CRTAP: variants seen among roughly 807,000 people sequenced by gnomAD.
CRTAP encodes cartilage associated protein.
A neutral mutation model predicts 42.7 loss-of-function variants in CRTAP; 33 were observed. The observed-to-expected ratio is 0.77, with a 90% CI of 0.59 to 1.03. The LOEUF is 1.03. Ranked by LOEUF, CRTAP falls within the 50% of genes least tolerant of loss-of-function variation. The pLI, the probability that CRTAP is intolerant of heterozygous loss-of-function variation, is 0.00. For missense variants in CRTAP, 613 were observed against 533.9 expected (o/e 1.15, Z -1.46); for synonymous variants, 243 against 217.7 (o/e 1.12, Z -1.02).
At chr3:33,131,271 G>A (rs1220066181) in intron 4 of CRTAP, among the ~76,000 whole-genome samples, 25 of 151,348 alleles carry the variant, frequency 1.7e-4, no homozygotes, top group Non-Finnish European at 3.5e-4. Context: ...TTTGCGGGGG[G>A]GGGTTCCTCT....
At chr3:33,124,678 T>A in intron 3 of CRTAP, 99 bp downstream of exon 3, 1 of 1,433,950 alleles carries the variant, frequency 7.0e-7, no homozygotes. Context: ...GAGCAGCCTC[T>A]GAGGAATTTT....
intron 3 of CRTAP, among the ~76,000 whole-genome samples, chr3:33,126,201 C>T (rs1052961679): frequency 4.6e-5 from 7 of 152,346 alleles, no homozygotes; most frequent in East Asian, 1.9e-4. Context: ...AGATACATCA[C>T]GTAAGTGGAG....
intron 3 of CRTAP, among the ~76,000 whole-genome samples, chr3:33,125,789 A>C (rs551647444): frequency 1.3e-5 from 2 of 152,306 alleles, no homozygotes; most frequent in African/African-American, 4.8e-5. Flanking sequence ...TACCCCTGTA[A>C]GAATTTTAAC....
At chr3:33,129,714 T>C (rs2030190151) in intron 3 of CRTAP, among the ~76,000 whole-genome samples, 1 of 151,966 alleles carries the variant, frequency 6.6e-6, no homozygotes, top group South Asian at 2.1e-4. Context: ...ATTTTTTGTA[T>C]TTTTAGTGAG....
intron 6 of CRTAP, among the ~76,000 whole-genome samples, chr3:33,135,550 A>G (rs939863488): frequency 1.1e-4 from 16 of 151,636 alleles, no homozygotes; most frequent in Non-Finnish European, 1.9e-4. Context: ...GGGGAGTTTG[A>G]GGCTGATATT....
intron 3 of CRTAP, among the ~76,000 whole-genome samples, 168 bp downstream of exon 3, chr3:33,124,747 G>C (rs1179083622): frequency 6.6e-6 from 1 of 152,186 alleles, no homozygotes; most frequent in Non-Finnish European, 1.5e-5. Context: ...ATAAACCTTT[G>C]ACTTGGCAGG....
intron 6 of CRTAP, among the ~76,000 whole-genome samples, 157 bp from the exon 7 acceptor site, chr3:33,142,238 G>T (rs1274852157): frequency 3.9e-5 from 6 of 152,172 alleles, no homozygotes; most frequent in African/African-American, 7.2e-5. Flanking sequence ...CCCTCCACAG[G>T]GAGAAATCAG....
chr3:33,122,910 G>T (rs1301321935), intron 2 of CRTAP, among the ~76,000 whole-genome samples: 3 of 151,816 alleles, frequency 2.0e-5, no homozygotes, highest in Admixed American at 6.6e-5. Context: ...GTGTATCCAG[G>T]ATCTCTACTT....
At chr3:33,121,656 T>C (rs2029880955) in intron 2 of CRTAP, among the ~76,000 whole-genome samples, 1 of 152,144 alleles carries the variant, frequency 6.6e-6, no homozygotes, top group African/African-American at 2.4e-5. Flanking sequence ...TGAGAACCAG[T>C]GTGGGGAGAG....
At position 33,114,234 on chromosome 3, in the gene CRTAP, G is replaced by C. The variant is rs752802071; in HGVS notation, c.157G>C (p.Asp53His). 32 of 1,591,764 alleles carry C rather than the reference G, an allele frequency of 2.0e-5. No homozygotes were observed. Among genetic ancestry groups the C allele is most frequent in the Non-Finnish European group, 2.5e-5 (29 of 1,175,184 alleles). Residue 53 changes from aspartate (D) to histidine (H), a missense_variant, in exon 1 of 7, where the codon GAC (aspartate) becomes CAC (histidine). Asp to His is a moderately conservative substitution (Grantham distance 81). Coordinates refer to ENST00000320954, the MANE Select transcript of CRTAP (RefSeq NM_006371.5). The part of the protein sequence containing the change: ...PLESAYRHAL[D>H]KYSGEHWAES... ...CGAGTCGGCCTACCGGCACGCGCTG[G>C]ACAAGTACAGCGGCGAGCACTGGGC... is the stretch of plus-strand genomic sequence containing the variant.
intron 6 of CRTAP, among the ~76,000 whole-genome samples, chr3:33,139,051 A>T (rs1559437405): frequency 6.6e-6 from 1 of 152,080 alleles, no homozygotes; most frequent in Non-Finnish European, 1.5e-5. Context: ...GGCTGAGGCA[A>T]GAGAATCGCT....
Position 33,120,428 on chromosome 3 carries a change from G to A in CRTAP, c.556G>A (p.Ala186Thr). The A allele has an allele frequency of 1.2e-6, 2 of 1,613,512 alleles. No homozygotes were observed. The highest frequency in any genetic ancestry group is 1.7e-6 in the Non-Finnish European group (2 of 1,179,458). The change falls in exon 2 of 7, where the codon GCA becomes ACA. Residue 186 changes from alanine (A) to threonine (T), a missense_variant. Coordinates refer to ENST00000320954, the MANE Select transcript of CRTAP (RefSeq NM_006371.5). ...TGACGAAATGATGAAGAGGAACATG[G>A]CATATTATAAGAGCCTGCCTGGTGC... The part of the protein sequence containing the change: ...PDDEMMKRNM[A>T]YYKSLPGAED...
intron 1 of CRTAP, among the ~76,000 whole-genome samples, chr3:33,115,684 A>T (rs1701334418): frequency 6.6e-6 from 1 of 152,166 alleles, no homozygotes; most frequent in Admixed American, 6.5e-5. Flanking sequence ...GATTCATGGC[A>T]TATCCTAGAC....
chr3:33,122,343 C>A (rs2029902051), intron 2 of CRTAP, among the ~76,000 whole-genome samples: 1 of 151,950 alleles, frequency 6.6e-6, no homozygotes, highest in Admixed American at 6.6e-5. Context: ...TTGACCCATT[C>A]TTCAGGAAAG....
chr3:33,121,105 G>A (rs538634176), intron 2 of CRTAP, among the ~76,000 whole-genome samples: 38 of 152,282 alleles, frequency 2.5e-4, no homozygotes, highest in African/African-American at 8.7e-4. Flanking sequence ...CAAGGGCAGG[G>A]CATTGTTGAA....
Position 33,135,205 on chromosome 3 carries a change from T to C in CRTAP, c.1152+940T>C, listed in dbSNP as rs552332637. 2.0e-5 allele frequency among the ~76,000 whole-genome samples: 3 copies of C among 152,326 alleles called. No individual in the cohort carries two copies. In the South Asian group the frequency reaches 6.2e-4, roughly 32 times the overall value. On this transcript the variant is annotated intron_variant, in intron 6 of 6. Transcript: ENST00000320954. ...AAACTGGAAAGTGATGCAATGCCTA[T>C]GTCTTGGTTTGGGTATCCTTGAAGC... is the stretch of plus-strand genomic sequence containing the variant.
intron 1 of CRTAP, among the ~76,000 whole-genome samples, 176 bp from the exon 2 acceptor site, chr3:33,120,168 A>G (rs1325751135): frequency 1.3e-5 from 2 of 152,214 alleles, no homozygotes; most frequent in Non-Finnish European, 2.9e-5. Flanking sequence ...TCAGGAAATC[A>G]GCACTTGTCT....
intron 3 of CRTAP, among the ~76,000 whole-genome samples, chr3:33,128,262 C>T (rs528085586): frequency 2.0e-5 from 3 of 152,000 alleles, no homozygotes; most frequent in South Asian, 2.1e-4. Context: ...CAATAATGTT[C>T]TTTCTAGCAC....
rs1228812058 is a variant in CRTAP, at chr3:33,145,326, G to T, written c.*2878G>T. ...GTCCACAAAATCTGTACTCCCAGCG[G>T]GGGTGTTTGGCCCGAGGAGTCAGTG... On this transcript the variant is annotated 3_prime_UTR_variant, in exon 7 of 7. Coordinates refer to ENST00000320954, the MANE Select transcript of CRTAP (RefSeq NM_006371.5). This position sits in a 1 kb window ranked among gnomAD's most constrained non-coding sequence, Gnocchi z 4.3. The T allele has an allele frequency of 6.6e-6, 1 of 152,368 alleles. No homozygotes were observed. Among genetic ancestry groups the T allele is most frequent in the Non-Finnish European group, 1.5e-5 (1 of 68,124 alleles). The allele number at this position is 152,368 out of a possible 1,614,324, so 9.4% of individuals were successfully genotyped here.
Sources: allele counts gnomAD v4.1 joint callset (sites outside exome capture counted in the v4.1 genomes callset), GRCh38; gene constraint gnomAD v4.1.1; non-coding constraint Gnocchi (gnomAD v3.1); transcripts MANE v1.5; gene names NCBI Gene and HGNC (gene_info 2026-07-23, HGNC 2026-07-21).